STARD13: variants seen among roughly 807,000 people sequenced by gnomAD.
The protein encoded by STARD13 is StAR related lipid transfer domain containing 13.
In STARD13, 62 loss-of-function variants were observed where a neutral mutation model predicts 106.4. The ratio of observed to expected loss-of-function variants is 0.58; its 90% CI spans 0.48 to 0.72. The LOEUF (loss-of-function observed/expected upper bound fraction) is 0.72. STARD13 is among the 30% of genes least tolerant of loss of function. The probability of loss-of-function intolerance (pLI) is 0.00; values close to 1 mark genes in which losing one functional copy is unlikely to be tolerated. For missense variants in STARD13, 1,387 were observed against 1,424.0 expected, an observed-to-expected ratio of 0.97 and a Z score of 0.42; for synonymous variants, 565 against 553.0, an observed-to-expected ratio of 1.02 and a Z score of -0.31.
chr13:33,113,039 A>G, intron 8 of STARD13, 108 bp from the exon 9 acceptor site: 2 of 768,564 alleles, frequency 2.6e-6, no homozygotes, highest in Non-Finnish European at 2.0e-6. Flanking sequence ...ACCCAGAGTC[A>G]TCATCAACAA....
the STARD13 span, among the ~76,000 whole-genome samples, chr13:33,515,029 T>C: frequency 6.6e-6 from 1 of 152,098 alleles, no homozygotes; most frequent in Admixed American, 6.6e-5. Flanking sequence ...CTTACAAAGA[T>C]GTAGAAGAGG....
rs147046425 is a variant in STARD13 at position 33,143,329 on chromosome 13, C to T, written c.324-956G>A. Among the ~76,000 whole-genome samples, 181 of 152,070 alleles carry T rather than the reference C, an allele frequency of 1.2e-3. 1 individual carries two copies. The highest frequency in any genetic ancestry group is 4.0e-3 in the African/African-American group (167 of 41,484). On this transcript the variant is annotated intron_variant, in intron 3 of 13. Coordinates refer to ENST00000336934, the MANE Select transcript of STARD13 (RefSeq NM_178006.4). ...GCCCCTCTTTCTGACTTCTATCATC[C>T]GTAGATTAGTTTTGCTTCTTCTTGG...
chr13:33,215,126 G>C (rs532903968), intron 1 of STARD13, among the ~76,000 whole-genome samples: 18 of 124,034 alleles, frequency 1.5e-4, no homozygotes, highest in South Asian at 3.0e-4. Flanking sequence ...ACTTGGGGGG[G>C]GGGGTGGGGG....
intron 1 of STARD13, among the ~76,000 whole-genome samples, chr13:33,196,991 T>A (rs1398501330): frequency 6.6e-6 from 1 of 152,180 alleles, no homozygotes; most frequent in Non-Finnish European, 1.5e-5. Context: ...ATAAAATACA[T>A]AAAGATAGAT....
chr13:33,180,717 C>T (rs371877028), intron 1 of STARD13, among the ~76,000 whole-genome samples: 10 of 152,112 alleles, frequency 6.6e-5, no homozygotes, highest in South Asian at 4.2e-4. Flanking sequence ...GAGGAGGTGA[C>T]GGGGAAAGTA....
the STARD13 span, among the ~76,000 whole-genome samples, chr13:33,426,005 A>G: frequency 1.3e-5 from 2 of 152,138 alleles, no homozygotes. Context: ...CTGTGTTTAA[A>G]CCATTTATTT....
At chr13:33,513,627 T>A in the STARD13 span, among the ~76,000 whole-genome samples, 498 of 152,296 alleles carry the variant, frequency 3.3e-3, 2 homozygotes, top group African/African-American at 0.012. Context: ...ATTTTTAAAT[T>A]CCATAGCACA....
chr13:33,399,424 G>C, the STARD13 span, among the ~76,000 whole-genome samples: 396 of 152,162 alleles, frequency 2.6e-3, no homozygotes, highest in Non-Finnish European at 4.2e-3. Context: ...GCCAGGCATG[G>C]TGGTTCACAC....
intron 7 of STARD13, among the ~76,000 whole-genome samples, chr13:33,121,372 G>A (rs1259231235): frequency 1.3e-5 from 2 of 152,000 alleles, no homozygotes. Flanking sequence ...TTTGAGACCA[G>A]CCTGGCCAAC....
intron 1 of STARD13, among the ~76,000 whole-genome samples, chr13:33,301,924 T>C (rs921127036): frequency 6.6e-6 from 1 of 152,140 alleles, no homozygotes; most frequent in Non-Finnish European, 1.5e-5. Context: ...TTCTTAAATT[T>C]TTCTCAGAAT....
At chr13:33,436,879 G>A in the STARD13 span, among the ~76,000 whole-genome samples, 1 of 152,002 alleles carries the variant, frequency 6.6e-6, no homozygotes, top group Non-Finnish European at 1.5e-5. Context: ...GGCAGTTTTG[G>A]AACACAAGAA....
At chr13:33,111,652 T>A in intron 10 of STARD13, 126 bp downstream of exon 10, 1 of 637,998 alleles carries the variant, frequency 1.6e-6, no homozygotes, top group Admixed American at 2.6e-5. Context: ...ACCAGAGCTA[T>A]AACATATACT....
intron 1 of STARD13, among the ~76,000 whole-genome samples, chr13:33,270,420 C>T (rs1891100999): frequency 2.0e-5 from 3 of 152,106 alleles, no homozygotes; most frequent in Admixed American, 2.0e-4. Context: ...GTTTAGTGAC[C>T]CCTAACAGAT....
intron 1 of STARD13, among the ~76,000 whole-genome samples, chr13:33,202,935 G>C (rs1029868570): frequency 1.1e-4 from 16 of 152,174 alleles, no homozygotes; most frequent in African/African-American, 3.9e-4. Flanking sequence ...AGAAGCCTTT[G>C]AATGACGGGC....
the STARD13 span, among the ~76,000 whole-genome samples, chr13:33,469,758 A>G: frequency 6.6e-6 from 1 of 152,180 alleles, no homozygotes; most frequent in Non-Finnish European, 1.5e-5. Flanking sequence ...AATCTCATAC[A>G]TAGACTAATG....
At chr13:33,581,550 G>T in the STARD13 span, among the ~76,000 whole-genome samples, 24 of 152,234 alleles carry the variant, frequency 1.6e-4, no homozygotes, top group South Asian at 4.6e-3. Flanking sequence ...GTTTCAATTT[G>T]TGTACTCTTC....
chr13:33,484,550 A>G, the STARD13 span, among the ~76,000 whole-genome samples: 8 of 152,150 alleles, frequency 5.3e-5, no homozygotes, highest in East Asian at 9.7e-4. Context: ...TCCACACCCA[A>G]TTACATCCCC....
the STARD13 span, among the ~76,000 whole-genome samples, chr13:33,578,522 T>A: frequency 6.6e-6 from 1 of 151,974 alleles, no homozygotes; most frequent in African/African-American, 2.4e-5. Context: ...AAGACTTAAA[T>A]CTAAGACGTG....
At chr13:33,196,567 C>T (rs1886636548) in intron 1 of STARD13, among the ~76,000 whole-genome samples, 1 of 152,168 alleles carries the variant, frequency 6.6e-6, no homozygotes, top group Non-Finnish European at 1.5e-5. Flanking sequence ...ATCTTACCTC[C>T]ACGCTTGCTT....
Sources: allele counts gnomAD v4.1 joint callset (sites outside exome capture counted in the v4.1 genomes callset), GRCh38; gene constraint gnomAD v4.1.1; transcripts MANE v1.5; gene names NCBI Gene and HGNC (gene_info 2026-07-23, HGNC 2026-07-21).